The following DNAH14 variants were observed in gnomAD, a reference collection of about 807,000 sequenced individuals.
DNAH14 encodes dynein axonemal heavy chain 14, also known as axonemal beta dynein heavy chain 14.
In DNAH14, 478 loss-of-function variants were observed where a neutral mutation model predicts 520.9. The observed-to-expected ratio is 0.92, with a 90% CI of 0.85 to 0.99. The LOEUF (loss-of-function observed/expected upper bound fraction) is 0.99, where lower values mean the gene tolerates loss of function less well. DNAH14 is among the 50% of genes least tolerant of loss of function. The pLI is 0.00. For missense variants in DNAH14, 4,831 were observed against 5,234.5 expected (o/e 0.92, Z 2.38); for synonymous variants, 1,581 against 1,757.2 (o/e 0.90, Z 2.51).
At position 225,141,686 on chromosome 1, in the gene DNAH14, A is replaced by G. The variant is rs562971617; in HGVS notation, c.4508+665A>G. Among the ~76,000 whole-genome samples, 4 of 152,256 alleles carry G rather than the reference A, an allele frequency of 2.6e-5. No individual in the cohort carries two copies. In the South Asian group the frequency reaches 8.3e-4, roughly 32 times the overall value. ...CAGAGGGCAGTATCTTTCCATGGGC[A>G]TTCAGAGCTCTACCTCCAGCCTCTT... On this transcript the variant is annotated intron_variant, in intron 28 of 85. Coordinates refer to ENST00000682510, the MANE Select transcript of DNAH14 (RefSeq NM_001367479.1).
At chr1:225,313,788 G>T (rs113401785) in intron 60 of DNAH14, among the ~76,000 whole-genome samples, 21 of 152,218 alleles carry the variant, frequency 1.4e-4, no homozygotes, top group African/African-American at 5.1e-4. Flanking sequence ...TAGTTTGATG[G>T]CACTGTGGTC....
intron 11 of DNAH14, among the ~76,000 whole-genome samples, chr1:225,031,507 T>G (rs200622027): frequency 2.2e-4 from 1 of 4,468 alleles, no homozygotes; most frequent in Admixed American, 0.022. Context: ...ACAGAAAAGG[T>G]TTTGCTGACC....
At chr1:225,394,056 G>C (rs570051174) in intron 84 of DNAH14, among the ~76,000 whole-genome samples, 1 of 151,922 alleles carries the variant, frequency 6.6e-6, no homozygotes, top group African/African-American at 2.4e-5. Flanking sequence ...TTCTGACCTC[G>C]TGATCCCCCT....
At chr1:224,930,849 C>T (rs1406997830) in intron 1 of DNAH14, among the ~76,000 whole-genome samples, 1 of 152,174 alleles carries the variant, frequency 6.6e-6, no homozygotes, top group African/African-American at 2.4e-5. Flanking sequence ...CTGCCCACCT[C>T]GGAGTCCCAA....
At chr1:225,091,014 C>T (rs543081701) in intron 21 of DNAH14, among the ~76,000 whole-genome samples, 47 of 152,078 alleles carry the variant, frequency 3.1e-4, no homozygotes, top group African/African-American at 9.4e-4. Context: ...AAAGAACTCT[C>T]AAAATTCATT....
chr1:225,307,592 T>C, intron 59 of DNAH14, 23 bp downstream of exon 59: 3 of 1,500,558 alleles, frequency 2.0e-6, no homozygotes, highest in Non-Finnish European at 2.7e-6. Flanking sequence ...TGAAATCTCT[T>C]TTAAAGATTT....
At chr1:225,112,198 G>A (rs2148824642) in intron 23 of DNAH14, among the ~76,000 whole-genome samples, 1 of 152,170 alleles carries the variant, frequency 6.6e-6, no homozygotes, top group African/African-American at 2.4e-5. Flanking sequence ...TTGAAAATCT[G>A]TATGTCCCCT....
At chr1:225,204,349 G>A in intron 39 of DNAH14, 76 bp downstream of exon 39, 1 of 824,132 alleles carries the variant, frequency 1.2e-6, no homozygotes, top group South Asian at 2.0e-5. Context: ...ATATTTATAT[G>A]TTTAAACATG....
Position 224,964,514 on chromosome 1 carries a change from A to T in DNAH14, c.403A>T (p.Arg135Trp). Residue 135 changes from arginine (R) to tryptophan (W), a missense_variant, in exon 5 of 86, where the codon AGG becomes TGG. Transcript: ENST00000682510. ...TGATGATGTGATAAGAAATATTATTAGGCTACGAGAAAAGCTTGGTTGGCA... is the reference window on the plus strand; with the variant it reads ...TGATGATGTGATAAGAAATATTATTTGGCTACGAGAAAAGCTTGGTTGGCA... Reference protein sequence around the residue: ...KDDDVIRNIIRLREKLGWQTI... With the variant: ...KDDDVIRNIIWLREKLGWQTI... 6.2e-7 allele frequency: 1 copy of T among 1,609,950 alleles called. No individual in the cohort carries two copies. The highest frequency in any genetic ancestry group is 8.5e-7 in the Non-Finnish European group (1 of 1,177,560).
At chr1:225,165,872 A>C (rs2081994187) in intron 35 of DNAH14, among the ~76,000 whole-genome samples, 1 of 152,104 alleles carries the variant, frequency 6.6e-6, no homozygotes, top group Non-Finnish European at 1.5e-5. Context: ...GTAGTGAGAC[A>C]CCGCGCATGG....
chr1:225,147,715 G>A (rs1026282369), intron 31 of DNAH14, among the ~76,000 whole-genome samples: 2 of 152,208 alleles, frequency 1.3e-5, no homozygotes, highest in East Asian at 1.9e-4. Flanking sequence ...GGGATTTGAT[G>A]TACAGATTAT....
chr1:225,182,834 T>C (rs2084205005), intron 36 of DNAH14, among the ~76,000 whole-genome samples: 1 of 152,134 alleles, frequency 6.6e-6, no homozygotes, highest in African/African-American at 2.4e-5. Context: ...TAGGAGAAAC[T>C]CAAGTCCTGA....
chr1:225,364,461 T>A (rs1356835450), intron 75 of DNAH14, among the ~76,000 whole-genome samples: 2 of 152,204 alleles, frequency 1.3e-5, no homozygotes, highest in African/African-American at 2.4e-5. Flanking sequence ...TATAATTGTT[T>A]ACCGTCATCA....
chr1:225,223,324 T>G (rs2090232151), intron 41 of DNAH14, among the ~76,000 whole-genome samples: 1 of 152,200 alleles, frequency 6.6e-6, no homozygotes, highest in Non-Finnish European at 1.5e-5. Context: ...AAGGGTTAAT[T>G]GAGGTCACTT....
chr1:224,956,268 T>C (rs1424801762), intron 3 of DNAH14, among the ~76,000 whole-genome samples: 1 of 152,136 alleles, frequency 6.6e-6, no homozygotes, highest in Non-Finnish European at 1.5e-5. Flanking sequence ...CTCTCTGGAC[T>C]AGACCATACT....
chr1:225,335,104 T>C (rs1024979840), intron 66 of DNAH14, among the ~76,000 whole-genome samples: 1 of 148,128 alleles, frequency 6.8e-6, no homozygotes. Flanking sequence ...CATATATGTA[T>C]ATATACATAT....
chr1:225,003,016 TA>T (rs2063880214), intron 9 of DNAH14, 89 bp downstream of exon 9: 16 of 1,155,084 alleles, frequency 1.4e-5, no homozygotes, highest in Non-Finnish European at 1.3e-5. Flanking sequence ...TACAGATTTC[TA>T]AATTCATAAA....
intron 27 of DNAH14, among the ~76,000 whole-genome samples, chr1:225,125,890 C>A (rs1418713230): frequency 6.6e-6 from 1 of 152,132 alleles, no homozygotes; most frequent in African/African-American, 2.4e-5. Context: ...TGCAACAGTT[C>A]TTTTTACTTG....
chr1:225,016,641 T>A (rs1387566797), intron 10 of DNAH14, among the ~76,000 whole-genome samples: 1 of 152,196 alleles, frequency 6.6e-6, no homozygotes, highest in Admixed American at 6.5e-5. Context: ...ATTTTTCTTG[T>A]TTTTCTCTTC....
Sources: gnomAD v4.1 joint callset for allele counts (sites outside exome capture counted in the v4.1 genomes callset) on GRCh38, gnomAD v4.1.1 for gene constraint, MANE v1.5 for transcripts, NCBI Gene and HGNC (gene_info 2026-07-23, HGNC 2026-07-21) for gene names.